ARHGAP18: variants seen among roughly 807,000 people sequenced by gnomAD.
The protein encoded by ARHGAP18 is Rho GTPase activating protein 18.
ARHGAP18 carries 67 observed loss-of-function variants against 86.2 expected under a neutral mutation model. The ratio of observed to expected loss-of-function variants is 0.78; its 90% CI spans 0.64 to 0.95. The LOEUF (loss-of-function observed/expected upper bound fraction) is 0.95. Ranked by LOEUF, ARHGAP18 falls within the 40% of genes least tolerant of loss-of-function variation. The probability of loss-of-function intolerance (pLI) is 0.00; values close to 1 mark genes in which losing one functional copy is unlikely to be tolerated. For missense variants in ARHGAP18, 691 were observed against 780.4 expected, an observed-to-expected ratio of 0.89 and a Z score of 1.37; for synonymous variants, 283 against 280.4, an observed-to-expected ratio of 1.01 and a Z score of -0.09.
intron 14 of ARHGAP18, among the ~76,000 whole-genome samples, chr6:129,579,507 T>C (rs954296461): frequency 6.6e-6 from 1 of 152,156 alleles, no homozygotes; most frequent in Non-Finnish European, 1.5e-5. Flanking sequence ...AAAAGATTAT[T>C]TTAAATTTTT....
chr6:129,634,100 T>A lies in ARHGAP18; in HGVS notation c.558A>T (p.Pro186=). 6.2e-7 allele frequency: 1 copy of A among 1,613,676 alleles called. No homozygotes were observed. Among genetic ancestry groups the A allele is most frequent in the Non-Finnish European group, 8.5e-7 (1 of 1,179,828 alleles). The stretch of plus-strand genomic sequence containing the variant: ...TAAGTGACTGCGATTCAGTGCCACC[T>A]GGAGCCTAAACATAGAAAACAGGCC... ...AQQRESKETA[P]GGTESQSLRT... The change falls in exon 4 of 15, where the codon CCA becomes CCT. Residue 186 remains proline, a synonymous_variant. Transcript: ENST00000368149.
At position 129,682,911 on chromosome 6, in the gene ARHGAP18, T is replaced by C. The variant is rs1340583484; in HGVS notation, c.113+27113A>G. 2.0e-5 allele frequency among the ~76,000 whole-genome samples: 3 copies of C among 152,166 alleles called. No individual in the cohort carries two copies. The East Asian group carries it at 5.8e-4, about 29-fold the overall frequency. ...TATAATACATTTTAATCAAAAGACATAGCTTGATAATATTACTATATTCTA... is the reference window on the plus strand; with the variant it reads ...TATAATACATTTTAATCAAAAGACACAGCTTGATAATATTACTATATTCTA... On this transcript the variant is annotated intron_variant, in intron 1 of 14. Coordinates refer to ENST00000368149, the MANE Select transcript of ARHGAP18 (RefSeq NM_033515.3).
chr6:129,594,355 A>G (rs929245270), intron 12 of ARHGAP18, among the ~76,000 whole-genome samples: 4 of 152,138 alleles, frequency 2.6e-5, no homozygotes, highest in Non-Finnish European at 4.4e-5. Context: ...GGCTTCAGAG[A>G]AAATATACAT....
chr6:129,624,357 C>T (rs1392329405), intron 5 of ARHGAP18, among the ~76,000 whole-genome samples: 5 of 151,474 alleles, frequency 3.3e-5, no homozygotes, highest in South Asian at 2.1e-4. Flanking sequence ...GGTGAAGCCC[C>T]GTCTCTACTA....
intron 1 of ARHGAP18, among the ~76,000 whole-genome samples, chr6:129,708,708 C>T (rs1180838857): frequency 6.6e-6 from 1 of 152,192 alleles, no homozygotes; most frequent in African/African-American, 2.4e-5. Flanking sequence ...TTTTGACTGA[C>T]ATGTGGAATC....
At chr6:129,596,441 G>A (rs1397506842) in intron 12 of ARHGAP18, among the ~76,000 whole-genome samples, 1 of 152,100 alleles carries the variant, frequency 6.6e-6, no homozygotes, top group East Asian at 1.9e-4. Context: ...AATAGTGCCA[G>A]GGGATCTCCT....
chr6:129,611,397 GT>G, intron 8 of ARHGAP18, 135 bp downstream of exon 8: 1 of 692,800 alleles, frequency 1.4e-6, no homozygotes, highest in Non-Finnish European at 2.3e-6. Flanking sequence ...AAACTGAATG[GT>G]AAAAGGTTTT....
chr6:129,649,795 T>G (rs532570551), intron 1 of ARHGAP18, among the ~76,000 whole-genome samples: 1 of 152,118 alleles, frequency 6.6e-6, no homozygotes, highest in Non-Finnish European at 1.5e-5. Flanking sequence ...GAACTAGCTT[T>G]GGAAACTTGG....
In ARHGAP18 at chr6:129,701,838, A is replaced by C. The variant is rs369207085; in HGVS notation, c.113+8186T>G. Among the ~76,000 whole-genome samples the C allele has an allele frequency of 1.3e-4, 20 of 152,262 alleles. No individual in the cohort carries two copies. The South Asian group carries it at 1.5e-3, about 11-fold the overall frequency. ...AAGAGATGGGTCAGTTAGCTATGAAATGTAAGATGACTCAGGAGGTAACCA... is the reference window on the plus strand; with the variant it reads ...AAGAGATGGGTCAGTTAGCTATGAACTGTAAGATGACTCAGGAGGTAACCA... On this transcript the variant is annotated intron_variant, in intron 1 of 14. Coordinates refer to ENST00000368149, the MANE Select transcript of ARHGAP18 (RefSeq NM_033515.3).
At chr6:129,635,801 G>A (rs1341388368) in intron 3 of ARHGAP18, among the ~76,000 whole-genome samples, 3 of 152,220 alleles carry the variant, frequency 2.0e-5, no homozygotes, top group Non-Finnish European at 2.9e-5. Flanking sequence ...TTAAAGGCAT[G>A]CAGTGTAAGC....
chr6:129,626,306 C>T (rs1305558400), intron 5 of ARHGAP18, among the ~76,000 whole-genome samples: 1 of 151,570 alleles, frequency 6.6e-6, no homozygotes, highest in East Asian at 1.9e-4. Flanking sequence ...AGAAACTGTG[C>T]ATAGTGAGCT....
chr6:129,591,988 C>A (rs1042522306), intron 12 of ARHGAP18, among the ~76,000 whole-genome samples: 4 of 152,072 alleles, frequency 2.6e-5, no homozygotes, highest in African/African-American at 9.7e-5. Context: ...TCTTTGTTAT[C>A]CAAATGCCTT....
intron 1 of ARHGAP18, among the ~76,000 whole-genome samples, chr6:129,677,265 C>G: frequency 6.6e-6 from 1 of 152,032 alleles, no homozygotes; most frequent in Non-Finnish European, 1.5e-5. Flanking sequence ...CGGTGGCGGA[C>G]GCCTGTAGTC....
intron 1 of ARHGAP18, among the ~76,000 whole-genome samples, chr6:129,679,991 C>T (rs563796684): frequency 5.6e-4 from 85 of 152,290 alleles, no homozygotes; most frequent in African/African-American, 2.0e-3. Context: ...CTTCAATCTC[C>T]GCCTCCATCT....
At chr6:129,679,747 C>T (rs1232121389) in intron 1 of ARHGAP18, among the ~76,000 whole-genome samples, 1 of 152,196 alleles carries the variant, frequency 6.6e-6, no homozygotes, top group Admixed American at 6.5e-5. Flanking sequence ...TTTCTCTTCC[C>T]TCCTGCATTG....
intron 1 of ARHGAP18, among the ~76,000 whole-genome samples, chr6:129,655,561 T>C (rs1303045341): frequency 1.3e-5 from 2 of 151,872 alleles, no homozygotes; most frequent in South Asian, 2.1e-4. Flanking sequence ...TGTCAGATAC[T>C]CTAAGGTAAA....
intron 6 of ARHGAP18, 77 bp from the exon 7 acceptor site, chr6:129,616,380 T>C: frequency 6.1e-6 from 7 of 1,144,654 alleles, no homozygotes; most frequent in Non-Finnish European, 8.7e-6. Flanking sequence ...AAGCATAAGA[T>C]TTCTGATACT....
intron 10 of ARHGAP18, among the ~76,000 whole-genome samples, chr6:129,604,042 T>C (rs1019868820): frequency 6.6e-6 from 1 of 152,214 alleles, no homozygotes; most frequent in African/African-American, 2.4e-5. Flanking sequence ...ACTAAATTTA[T>C]GGCTTATTCT....
chr6:129,578,686 C>G (rs1280026049), intron 14 of ARHGAP18, 82 bp from the exon 15 acceptor site: 1 of 1,186,692 alleles, frequency 8.4e-7, no homozygotes, highest in Non-Finnish European at 1.2e-6. Context: ...TTATTTAACT[C>G]TTAAGTCTTG....
Sources: allele counts gnomAD v4.1 joint callset (sites outside exome capture counted in the v4.1 genomes callset), GRCh38; gene constraint gnomAD v4.1.1; transcripts MANE v1.5; gene names NCBI Gene and HGNC (gene_info 2026-07-23, HGNC 2026-07-21).